SPAG16: variants seen among roughly 807,000 people sequenced by gnomAD.
SPAG16 encodes the protein sperm associated antigen 16.
SPAG16 carries 86 observed loss-of-function variants against 80.4 expected under a neutral mutation model. The ratio of observed to expected loss-of-function variants is 1.07; its 90% CI spans 0.90 to 1.28. The LOEUF (loss-of-function observed/expected upper bound fraction) is 1.28. Among genes scored for constraint, SPAG16 ranks in the 50% most tolerant of loss-of-function variants. The pLI is 0.00. For synonymous variants in SPAG16, 294 were observed against 265.9 expected, an observed-to-expected ratio of 1.11 and a Z score of -1.03; for missense variants, 870 against 765.3, an observed-to-expected ratio of 1.14 and a Z score of -1.61.
intron 12 of SPAG16, among the ~76,000 whole-genome samples, chr2:213,949,179 T>TTTTTTTTTTTTTTGTTTTTTTTTTTG (rs2079613121): frequency 2.8e-4 from 10 of 36,244 alleles, no homozygotes; most frequent in Admixed American, 4.8e-4. Context: ...GTTTTTTTTT[T>TTTTTTTTTTTTTTGTTTTTTTTTTTG]TTTTTTTTTT....
At chr2:214,394,215 T>C (rs1170710814) in intron 15 of SPAG16, among the ~76,000 whole-genome samples, 2 of 152,134 alleles carry the variant, frequency 1.3e-5, no homozygotes, top group Admixed American at 6.5e-5. Flanking sequence ...TTTTTTTCTC[T>C]CTCTCTTTCT....
At chr2:213,817,156 A>T (rs2072594052) in intron 10 of SPAG16, among the ~76,000 whole-genome samples, 1 of 150,298 alleles carries the variant, frequency 6.7e-6, no homozygotes, top group Admixed American at 6.7e-5. Context: ...TTGTCAGTAC[A>T]TATAATAGTT....
chr2:213,651,395 C>T (rs1279210187), intron 10 of SPAG16, among the ~76,000 whole-genome samples: 2 of 152,190 alleles, frequency 1.3e-5, no homozygotes, highest in Non-Finnish European at 2.9e-5. Context: ...GTTCATTCTA[C>T]AACATTGGTG....
intron 14 of SPAG16, among the ~76,000 whole-genome samples, chr2:214,134,777 T>G (rs1157777959): frequency 2.0e-5 from 3 of 152,194 alleles, no homozygotes. Context: ...GTATCGATAT[T>G]TATGTACAAA....
chr2:213,285,817 G>A lies in SPAG16; in HGVS notation c.136+1198G>A, dbSNP rs2062034112. The A allele has an allele frequency of 2.1e-5, 21 of 994,470 alleles. No homozygotes were observed. The South Asian group carries it at 2.3e-4, about 11-fold the overall frequency. 61.6% of individuals were successfully genotyped at this position (994,470 alleles called of 1,614,324 possible). On this transcript the variant is annotated intron_variant, in intron 1 of 15. Coordinates refer to ENST00000331683, the MANE Select transcript of SPAG16 (RefSeq NM_024532.5). The stretch of plus-strand genomic sequence containing the variant: ...ATAAATGAGGTTTTATACTGTTTTC[G>A]TAGATGTAACAGGCAGTCTTTTCCA...
intron 15 of SPAG16, among the ~76,000 whole-genome samples, chr2:214,340,448 G>T (rs13006105): frequency 0.48 from 72,491 of 152,052 alleles, 21,224 homozygotes; most frequent in Non-Finnish European, 0.65. Context: ...AACAAAATAG[G>T]GCAGTTTCCA....
intron 13 of SPAG16, among the ~76,000 whole-genome samples, chr2:214,015,945 G>T (rs2047571793): frequency 6.6e-6 from 1 of 152,310 alleles, no homozygotes; most frequent in East Asian, 1.9e-4. Context: ...GAAAAGGAGA[G>T]AATGCATTAA....
chr2:214,239,173 G>A (rs954677089), intron 15 of SPAG16: 1 of 152,014 alleles, frequency 6.6e-6, no homozygotes, highest in Non-Finnish European at 1.5e-5. Context: ...TAAGACTACA[G>A]GCAAGCACCA....
At chr2:213,993,186 C>A (rs576759075) in intron 12 of SPAG16, among the ~76,000 whole-genome samples, 38 of 152,270 alleles carry the variant, frequency 2.5e-4, no homozygotes, top group African/African-American at 8.4e-4. Context: ...TGCTGACACC[C>A]AACGGGCAGA....
At chr2:213,709,122 C>T (rs2065874711) in intron 10 of SPAG16, among the ~76,000 whole-genome samples, 1 of 152,096 alleles carries the variant, frequency 6.6e-6, no homozygotes, top group African/African-American at 2.4e-5. Context: ...TTTGTCAGTG[C>T]ACCATTGGCA....
At chr2:213,387,429 C>CATGCTTTT (rs2067484480) in intron 9 of SPAG16, among the ~76,000 whole-genome samples, 1 of 71,760 alleles carries the variant, frequency 1.4e-5, no homozygotes, top group Non-Finnish European at 2.4e-5. Context: ...GAAATGCATG[C>CATGCTTTT]TCTTTTTTTT....
intron 12 of SPAG16, among the ~76,000 whole-genome samples, chr2:213,989,474 C>A (rs1196442575): frequency 6.6e-6 from 1 of 152,024 alleles, no homozygotes; most frequent in Non-Finnish European, 1.5e-5. Context: ...TTTTCAATTT[C>A]TCTTGCTTCT....
chr2:213,478,370 A>C (rs2073545968), intron 9 of SPAG16, among the ~76,000 whole-genome samples: 2 of 152,208 alleles, frequency 1.3e-5, no homozygotes, highest in Admixed American at 1.3e-4. Context: ...AGATATCTTA[A>C]GTCTAGCTAG....
intron 15 of SPAG16, among the ~76,000 whole-genome samples, chr2:214,363,932 G>A (rs1699325253): frequency 6.6e-6 from 1 of 152,052 alleles, no homozygotes; most frequent in Admixed American, 6.6e-5. Flanking sequence ...ATTCAAGCAT[G>A]GGAGCTTCTT....
At chr2:213,316,419 A>T (rs1277202969) in intron 4 of SPAG16, among the ~76,000 whole-genome samples, 2 of 152,072 alleles carry the variant, frequency 1.3e-5, no homozygotes, top group African/African-American at 4.8e-5. Flanking sequence ...TAGCCTGCTA[A>T]CTGGTCTCTC....
At chr2:214,146,019 T>C (rs1389330651) in intron 14 of SPAG16, among the ~76,000 whole-genome samples, 1 of 152,156 alleles carries the variant, frequency 6.6e-6, no homozygotes, top group East Asian at 1.9e-4. Flanking sequence ...CTACTACCAA[T>C]GATAACCAGA....
At chr2:213,316,179 ACT>A (rs1268470140) in intron 4 of SPAG16, among the ~76,000 whole-genome samples, 1 of 151,878 alleles carries the variant, frequency 6.6e-6, no homozygotes, top group African/African-American at 2.4e-5. Flanking sequence ...TACTCCAGCC[ACT>A]CTGCTCCTCC....
At chr2:213,641,622 G>A (rs2062591830) in intron 10 of SPAG16, among the ~76,000 whole-genome samples, 1 of 152,140 alleles carries the variant, frequency 6.6e-6, no homozygotes, top group African/African-American at 2.4e-5. Flanking sequence ...TGCCTACAAG[G>A]CTCTTCCCAT....
chr2:213,793,108 A>G (rs1169643083), intron 10 of SPAG16, among the ~76,000 whole-genome samples: 4 of 151,892 alleles, frequency 2.6e-5, no homozygotes, highest in Non-Finnish European at 5.9e-5. Context: ...TGTTATTTTT[A>G]GTACAGACGG....
Sources: gnomAD v4.1 joint callset for allele counts (sites outside exome capture counted in the v4.1 genomes callset) on GRCh38, gnomAD v4.1.1 for gene constraint, MANE v1.5 for transcripts, NCBI Gene and HGNC (gene_info 2026-07-23, HGNC 2026-07-21) for gene names.